Variants in ADTRP observed in about 807,000 individuals in gnomAD.
The protein encoded by ADTRP is androgen-dependent TFPI-regulating protein.
ADTRP carries 20 observed loss-of-function variants against 27.0 expected under a neutral mutation model. The observed-to-expected ratio is 0.74, with a 90% CI of 0.52 to 1.08. The LOEUF is 1.08. ADTRP is among the 50% of genes least tolerant of loss of function. ADTRP has a pLI of 0.00. For missense variants in ADTRP, 251 were observed against 275.0 expected, an observed-to-expected ratio of 0.91 and a Z score of 0.62; for synonymous variants, 101 against 105.2, an observed-to-expected ratio of 0.96 and a Z score of 0.25.
At chr6:11,748,437 C>G (rs1762937375) in intron 3 of ADTRP, among the ~76,000 whole-genome samples, 2 of 152,216 alleles carry the variant, frequency 1.3e-5, no homozygotes, top group Non-Finnish European at 2.9e-5. Context: ...CATTCATTCT[C>G]TCATGCCATA....
intron 5 of ADTRP, among the ~76,000 whole-genome samples, chr6:11,718,064 A>C (rs1199879513): frequency 6.6e-6 from 1 of 152,236 alleles, no homozygotes; most frequent in Non-Finnish European, 1.5e-5. Context: ...GCCTTTTAAA[A>C]AACCTGGTTT....
chr6:11,734,450 A>C (rs1581326066), intron 4 of ADTRP, among the ~76,000 whole-genome samples: 1 of 152,352 alleles, frequency 6.6e-6, no homozygotes, highest in East Asian at 1.9e-4. Flanking sequence ...TCAGAGGCTG[A>C]AGAACAATAT....
At chr6:11,714,748 G>C (rs549007376) in intron 5 of ADTRP, among the ~76,000 whole-genome samples, 19 of 152,332 alleles carry the variant, frequency 1.2e-4, no homozygotes, top group African/African-American at 4.6e-4. Context: ...AGGCACCCAC[G>C]ATGCTGTTTG....
chr6:11,717,361 G>A, intron 5 of ADTRP: 1 of 1,304,228 alleles, frequency 7.7e-7, no homozygotes, highest in South Asian at 1.2e-5. Context: ...TCGGGCCACT[G>A]GAAGCAGATT....
chr6:11,717,254 C>T (rs1213859448), intron 5 of ADTRP: 2 of 1,290,930 alleles, frequency 1.5e-6, no homozygotes, highest in African/African-American at 3.1e-5. Flanking sequence ...ATTCCTTTAA[C>T]TGCTGTCAGA....
chr6:11,752,209 G>T (rs555591043), intron 3 of ADTRP, among the ~76,000 whole-genome samples: 1 of 151,896 alleles, frequency 6.6e-6, no homozygotes, highest in East Asian at 1.9e-4. Context: ...TTTCTTGTTG[G>T]TAAGCCAAGC....
chr6:11,753,023 GA>G (rs1763106666), intron 3 of ADTRP, among the ~76,000 whole-genome samples: 1 of 152,198 alleles, frequency 6.6e-6, no homozygotes, highest in Non-Finnish European at 1.5e-5. Flanking sequence ...CTGTTTAAAG[GA>G]ACCCAATATC....
In ADTRP at chr6:11,743,814, T is replaced by C. The variant is rs142951548; in HGVS notation, c.391-8131A>G. On this transcript the variant is annotated intron_variant, in intron 3 of 5. Coordinates refer to ENST00000414691, the MANE Select transcript of ADTRP (RefSeq NM_032744.4). ...CACAGCCTGGGAAGCCAACCCAGAC[T>C]TGCTTCACTGGATACCAGCACCCAC... 1.9e-3 allele frequency among the ~76,000 whole-genome samples: 293 copies of C among 152,284 alleles called. 1 individual carries two copies. The highest frequency in any genetic ancestry group is 6.6e-3 in the African/African-American group (274 of 41,548).
At chr6:11,758,204 G>T (rs889496322) in intron 3 of ADTRP, among the ~76,000 whole-genome samples, 3 of 152,188 alleles carry the variant, frequency 2.0e-5, no homozygotes, top group African/African-American at 7.2e-5. Context: ...CTTGTTCTTT[G>T]ACTTTTTATA....
chr6:11,752,165 T>C (rs1763077293), intron 3 of ADTRP, among the ~76,000 whole-genome samples: 1 of 152,218 alleles, frequency 6.6e-6, no homozygotes, highest in African/African-American at 2.4e-5. Flanking sequence ...TACCTTTTAT[T>C]CTGCTTTATT....
intron 4 of ADTRP, among the ~76,000 whole-genome samples, chr6:11,726,789 G>A (rs1161338614): frequency 6.6e-6 from 1 of 152,090 alleles, no homozygotes; most frequent in Non-Finnish European, 1.5e-5. Context: ...GATCAAAATG[G>A]TAAATCACTT....
chr6:11,722,535 G>C (rs991446906), intron 5 of ADTRP, among the ~76,000 whole-genome samples: 7 of 152,060 alleles, frequency 4.6e-5, no homozygotes, highest in African/African-American at 1.7e-4. Flanking sequence ...ACAGAATCAG[G>C]GTAGAGTTCC....
At position 11,770,077 on chromosome 6, in the gene ADTRP, T is replaced by A. The variant is rs778285671; in HGVS notation, c.154-1694A>T. Reference sequence around the variant, plus strand: ...GTAGATGTCAAACCCAGCAGTCCTGTTCTTGAGCTAGACTTCGAAAAAATA... The same window carrying A: ...GTAGATGTCAAACCCAGCAGTCCTGATCTTGAGCTAGACTTCGAAAAAATA... On this transcript the variant is annotated intron_variant, in intron 1 of 5. Transcript: ENST00000414691. 3 of 1,551,002 alleles carry A rather than the reference T, an allele frequency of 1.9e-6. No homozygotes were observed. The African/African-American group carries it at 4.1e-5, about 21-fold the overall frequency.
At chr6:11,755,415 T>C (rs1349867214) in intron 3 of ADTRP, among the ~76,000 whole-genome samples, 1 of 152,250 alleles carries the variant, frequency 6.6e-6, no homozygotes, top group Non-Finnish European at 1.5e-5. Flanking sequence ...CATGCTTTCA[T>C]CATCCTGGTC....
chr6:11,716,866 G>A (rs1490170192), intron 5 of ADTRP, among the ~76,000 whole-genome samples: 51 of 148,166 alleles, frequency 3.4e-4, no homozygotes, highest in African/African-American at 1.2e-3. Context: ...ACAGGTGTGC[G>A]CCACCACACG....
chr6:11,741,713 AT>A (rs71312624), intron 3 of ADTRP, among the ~76,000 whole-genome samples: 27 of 129,174 alleles, frequency 2.1e-4, no homozygotes, highest in East Asian at 3.8e-4. Flanking sequence ...TAAGGATAAG[AT>A]TTTTTTTAAA....
In ADTRP at chr6:11,717,470, T is replaced by C. The variant is rs1055751484; in HGVS notation, c.659-2958A>G. 16 of 1,285,868 alleles carry C rather than the reference T, an allele frequency of 1.2e-5. No individual in the cohort carries two copies. In the Admixed American group the frequency reaches 2.9e-4, roughly 24 times the overall value. The allele number at this position is 1,285,868 out of a possible 1,614,324, so 79.7% of individuals were successfully genotyped here. A position where few individuals can be genotyped will look rare whatever the true frequency, so the allele number is the denominator to read the frequency against. On this transcript the variant is annotated intron_variant, in intron 5 of 5. Transcript: ENST00000414691. Reference sequence around the variant, plus strand: ...AATCAACATCACCATAGATACCATATATAATTATATGCCTTATTATTCCAA... The same window carrying C: ...AATCAACATCACCATAGATACCATACATAATTATATGCCTTATTATTCCAA...
chr6:11,737,976 G>C (rs1419524441), intron 3 of ADTRP, among the ~76,000 whole-genome samples: 3 of 152,094 alleles, frequency 2.0e-5, no homozygotes, highest in Admixed American at 1.3e-4. Flanking sequence ...TCTAACCCTG[G>C]GCTAGTGACC....
chr6:11,773,683 G>A (rs1763858946), intron 1 of ADTRP, among the ~76,000 whole-genome samples: 1 of 152,214 alleles, frequency 6.6e-6, no homozygotes, highest in African/African-American at 2.4e-5. Flanking sequence ...GGGGAGGTAT[G>A]AGGATCTGGG....
Sources: allele counts gnomAD v4.1 joint callset (sites outside exome capture counted in the v4.1 genomes callset), GRCh38; gene constraint gnomAD v4.1.1; transcripts MANE v1.5; gene names NCBI Gene and HGNC (gene_info 2026-07-23, HGNC 2026-07-21).